The following LAMB4 variants were observed in gnomAD, a reference collection of about 807,000 sequenced individuals.
LAMB4 encodes laminin subunit beta 4.
A neutral mutation model predicts 199.2 loss-of-function variants in LAMB4; 196 were observed. That is an observed-to-expected ratio of 0.98 (90% CI 0.88 to 1.11). LAMB4 has a LOEUF of 1.11. Among genes scored for constraint, LAMB4 ranks in the 50% least tolerant of loss-of-function variants. LAMB4 has a pLI of 0.00. For missense variants in LAMB4, 2,080 were observed against 2,171.2 expected, an observed-to-expected ratio of 0.96 and a Z score of 0.83; for synonymous variants, 744 against 770.6, an observed-to-expected ratio of 0.97 and a Z score of 0.57.
intron 12 of LAMB4, among the ~76,000 whole-genome samples, chr7:108,092,811 GGAGAATCGTTTGAAC>G (rs888158688): frequency 2.3e-4 from 35 of 152,230 alleles, no homozygotes; most frequent in African/African-American, 8.2e-4. Flanking sequence ...GGCTGAGGCA[GGAGAATCGTTTGAAC>G]GTGGGAGGTG....
chr7:108,056,799 A>G (rs963334613), intron 24 of LAMB4, among the ~76,000 whole-genome samples: 2 of 151,958 alleles, frequency 1.3e-5, no homozygotes, highest in African/African-American at 4.8e-5. Flanking sequence ...GTGAAACCCT[A>G]TCTCTACAAA....
intron 23 of LAMB4, among the ~76,000 whole-genome samples, chr7:108,058,580 A>T (rs1437682585): frequency 6.6e-6 from 1 of 152,244 alleles, no homozygotes; most frequent in Non-Finnish European, 1.5e-5. Flanking sequence ...TAGCTGCTTA[A>T]ACAACAACTC....
Position 108,057,930 on chromosome 7 carries a change from T to C in LAMB4, c.3283-2A>G. On this transcript the variant is annotated splice_acceptor_variant, in intron 23 of 33. Coordinates refer to ENST00000388781, the MANE Select transcript of LAMB4 (RefSeq NM_007356.3). LOFTEE classifies it high-confidence loss of function. ...TTTACACGGACACTGGCCTGTAAGC[T>C]GTGAGAACAGTCATGGGTGAGGAAT... 6.2e-7 allele frequency: 1 copy of C among 1,607,352 alleles called. No individual in the cohort carries two copies. The highest frequency in any genetic ancestry group is 8.5e-7 in the Non-Finnish European group (1 of 1,173,834).
chr7:108,042,975 G>A (rs1433701427), intron 29 of LAMB4, among the ~76,000 whole-genome samples: 2 of 149,964 alleles, frequency 1.3e-5, no homozygotes, highest in Admixed American at 6.7e-5. Context: ...GTGTGTGTGT[G>A]TGTATGTGTA....
At chr7:108,109,381 T>C (rs1158411274) in intron 4 of LAMB4, 137 bp from the exon 5 acceptor site, 9 of 676,352 alleles carry the variant, frequency 1.3e-5, no homozygotes, top group Non-Finnish European at 2.1e-5. Flanking sequence ...CCCAGTCTGT[T>C]GGAGTGGTAT....
At chr7:108,061,172 C>G (rs959557398) in intron 23 of LAMB4, among the ~76,000 whole-genome samples, 1 of 152,044 alleles carries the variant, frequency 6.6e-6, no homozygotes, top group Non-Finnish European at 1.5e-5. Flanking sequence ...GAGAAACTGT[C>G]GCAGCCAAGA....
rs929908656 is a variant in LAMB4, at chr7:108,055,739, G to A, written c.3648C>T (p.Asp1216=). ...KRETLPVCEA[D]FKDLRGNVSE... is the part of the protein sequence containing the mutation. ...ACACGTTCCCTCTGAGGTCTTTGAA[G>A]TCTGCCTCACAGACAGGCAGGGTCT... is the stretch of plus-strand genomic sequence containing the variant. The change falls in exon 25 of 34, where the codon GAC becomes GAT. Residue 1216 remains aspartate, a synonymous_variant. Coordinates refer to ENST00000388781, the MANE Select transcript of LAMB4 (RefSeq NM_007356.3). 2 of 1,614,138 alleles carry A rather than the reference G, an allele frequency of 1.2e-6. No homozygotes were observed. The highest frequency in any genetic ancestry group is 1.7e-6 in the Non-Finnish European group (2 of 1,179,974).
chr7:108,067,999 T>A lies in LAMB4; in HGVS notation c.2446+17A>T. 2 of 1,614,192 alleles carry A rather than the reference T, an allele frequency of 1.2e-6. No individual in the cohort carries two copies. The highest frequency in any genetic ancestry group is 1.7e-6 in the Non-Finnish European group (2 of 1,180,002). Reference sequence around the variant, plus strand: ...GACTGTGAGCAAGTGTTTCCCCTTGTGTGTTTTGCTACGTACGGTGACAGC... The same window carrying A: ...GACTGTGAGCAAGTGTTTCCCCTTGAGTGTTTTGCTACGTACGGTGACAGC... On this transcript the variant is annotated intron_variant, in intron 19 of 33. Coordinates refer to ENST00000388781, the MANE Select transcript of LAMB4 (RefSeq NM_007356.3).
chr7:108,088,121 T>G (rs2037254265), intron 14 of LAMB4, among the ~76,000 whole-genome samples: 1 of 152,236 alleles, frequency 6.6e-6, no homozygotes, highest in Admixed American at 6.5e-5. Context: ...ACTTCCTTGT[T>G]GCTGGAAATA....
chr7:108,072,076 GT>G (rs2036552929), intron 17 of LAMB4, among the ~76,000 whole-genome samples: 1 of 152,260 alleles, frequency 6.6e-6, no homozygotes, highest in East Asian at 1.9e-4. Flanking sequence ...ATAGAGTGAT[GT>G]TTATTACAGG....
intron 23 of LAMB4, 120 bp downstream of exon 23, chr7:108,062,654 T>A (rs1039463170): frequency 1.1e-5 from 6 of 530,996 alleles, no homozygotes; most frequent in African/African-American, 2.0e-5. Flanking sequence ...GTAAGGCCAA[T>A]CCTGTTTCAA....
intron 11 of LAMB4, among the ~76,000 whole-genome samples, chr7:108,095,825 T>C (rs1027056042): frequency 1.2e-4 from 19 of 152,216 alleles, no homozygotes; most frequent in Non-Finnish European, 2.1e-4. Context: ...CCTGCATATG[T>C]TGCAAAGGCT....
At chr7:108,116,237 G>A (rs559921765) in intron 2 of LAMB4, 76 bp from the exon 3 acceptor site, 8 of 1,360,348 alleles carry the variant, frequency 5.9e-6, no homozygotes, top group African/African-American at 1.5e-5. Context: ...GACTGGTTAA[G>A]GGGGAAAGTT....
chr7:108,091,060 C>T (rs2037381243), intron 14 of LAMB4, among the ~76,000 whole-genome samples: 3 of 151,866 alleles, frequency 2.0e-5, no homozygotes, highest in African/African-American at 7.2e-5. Flanking sequence ...TCAACTTTCA[C>T]AAGCTTTCTC....
At chr7:108,102,449 A>G (rs942525682) in intron 10 of LAMB4, among the ~76,000 whole-genome samples, 14 of 152,252 alleles carry the variant, frequency 9.2e-5, no homozygotes, top group African/African-American at 3.1e-4. Flanking sequence ...CAAGGAGGGT[A>G]GACAAATGGG....
intron 28 of LAMB4, among the ~76,000 whole-genome samples, chr7:108,045,084 T>G (rs1261394946): frequency 6.6e-6 from 1 of 152,094 alleles, no homozygotes; most frequent in East Asian, 1.9e-4. Context: ...TTATAGTCAC[T>G]GGCAAATGAT....
downstream of LAMB4, among the ~76,000 whole-genome samples, chr7:108,018,623 T>C (rs1232333008): frequency 6.6e-6 from 1 of 152,110 alleles, no homozygotes; most frequent in Non-Finnish European, 1.5e-5. Flanking sequence ...CCTGTATCCT[T>C]GAACCTAAGA....
rs760891697 is a variant in LAMB4, at chr7:108,047,909, T to A, written c.4325A>T (p.Gln1442Leu). The change falls in exon 28 of 34, where the codon CAG (glutamine) becomes CTG (leucine). Residue 1442 changes from glutamine (Q) to leucine (L), a missense_variant and splice_region_variant. Physicochemically the swap from Gln to Leu is moderately radical, Grantham distance 113. Coordinates refer to ENST00000388781, the MANE Select transcript of LAMB4 (RefSeq NM_007356.3). Reference sequence around the variant, plus strand: ...AATAAAGCAAGAGAAGATATTTACCTGATTTTTCAACCCACGAACCTGTTT... The same window carrying A: ...AATAAAGCAAGAGAAGATATTTACCAGATTTTTCAACCCACGAACCTGTTT... ...LDKQVRGLKN[Q>L]IESISEQAEV... 1.9e-6 allele frequency: 3 copies of A among 1,612,560 alleles called. No individual in the cohort carries two copies. Among genetic ancestry groups the A allele is most frequent in the Non-Finnish European group, 2.5e-6 (3 of 1,178,634 alleles).
intron 15 of LAMB4, 58 bp from the exon 16 acceptor site, chr7:108,078,374 C>A: frequency 9.5e-7 from 1 of 1,051,306 alleles, no homozygotes; most frequent in African/African-American, 1.6e-5. Flanking sequence ...ATGTTTTGCA[C>A]GTACACACAT....
Sources: allele counts gnomAD v4.1 joint callset (sites outside exome capture counted in the v4.1 genomes callset), GRCh38; gene constraint gnomAD v4.1.1; transcripts MANE v1.5; gene names NCBI Gene and HGNC (gene_info 2026-07-23, HGNC 2026-07-21).